MAGI2: variants seen among roughly 807,000 people sequenced by gnomAD.
MAGI2 encodes the protein membrane associated guanylate kinase, WW and PDZ domain containing 2.
A neutral mutation model predicts 133.3 loss-of-function variants in MAGI2; 35 were observed. The observed-to-expected ratio is 0.26, with a 90% CI of 0.20 to 0.35. The LOEUF is 0.35. Ranked by LOEUF, MAGI2 falls within the 10% of genes least tolerant of loss-of-function variation. The pLI, the probability that MAGI2 is intolerant of heterozygous loss-of-function variation, is 1.00. For synonymous variants in MAGI2, 729 were observed against 710.6 expected (o/e 1.03, Z -0.41); for missense variants, 1,636 against 1,863.4 (o/e 0.88, Z 2.25).
chr7:78,540,597 C>T (rs894872089), intron 3 of MAGI2, among the ~76,000 whole-genome samples: 3 of 152,134 alleles, frequency 2.0e-5, no homozygotes, highest in Non-Finnish European at 4.4e-5. Flanking sequence ...TTGCCACCCC[C>T]ACCAGATTCT....
chr7:78,423,389 T>C (rs950430980), intron 6 of MAGI2, among the ~76,000 whole-genome samples: 3 of 152,226 alleles, frequency 2.0e-5, no homozygotes, highest in African/African-American at 7.2e-5. Flanking sequence ...TTAAACCTCT[T>C]TCTTTTGTAA....
chr7:78,240,141 GC>G (rs1258642772), intron 10 of MAGI2, among the ~76,000 whole-genome samples: 1 of 152,110 alleles, frequency 6.6e-6, no homozygotes, highest in Non-Finnish European at 1.5e-5. Flanking sequence ...TCAGCCTCCT[GC>G]CCCCTGATAG....
intron 1 of MAGI2, among the ~76,000 whole-genome samples, chr7:79,281,553 C>G (rs1398346362): frequency 1.3e-5 from 2 of 151,592 alleles, no homozygotes; most frequent in East Asian, 3.9e-4. Flanking sequence ...AAAGAGAGGG[C>G]AAAAGTCTGC....
chr7:78,882,743 T>A (rs1381340475), intron 2 of MAGI2, among the ~76,000 whole-genome samples: 1 of 151,972 alleles, frequency 6.6e-6, no homozygotes, highest in Non-Finnish European at 1.5e-5. Context: ...ATAAACAGAA[T>A]TAAAAACAAC....
At chr7:78,316,618 T>C (rs1352770388) in intron 9 of MAGI2, among the ~76,000 whole-genome samples, 9 of 152,236 alleles carry the variant, frequency 5.9e-5, no homozygotes, top group Non-Finnish European at 1.3e-4. Context: ...TCTTTCCTTT[T>C]GTTTCAGTAG....
chr7:78,153,896 G>A (rs922841152), intron 16 of MAGI2, among the ~76,000 whole-genome samples: 3 of 152,216 alleles, frequency 2.0e-5, no homozygotes, highest in African/African-American at 7.2e-5. Context: ...GGACAAGCTG[G>A]AGTGAGCCTT....
chr7:78,635,394 G>C (rs1809519068), intron 2 of MAGI2, among the ~76,000 whole-genome samples: 1 of 152,190 alleles, frequency 6.6e-6, no homozygotes. Flanking sequence ...TTCTTCAAAA[G>C]AGTCACCAGC....
chr7:78,787,306 T>C (rs1426527946), intron 2 of MAGI2, among the ~76,000 whole-genome samples: 1 of 152,042 alleles, frequency 6.6e-6, no homozygotes, highest in Admixed American at 6.6e-5. Context: ...GGGGAGAAGG[T>C]AGGACTGTGG....
intron 18 of MAGI2, among the ~76,000 whole-genome samples, chr7:78,132,479 C>T (rs1383613099): frequency 6.6e-6 from 1 of 152,208 alleles, no homozygotes; most frequent in Non-Finnish European, 1.5e-5. Flanking sequence ...GCCCCAGCCA[C>T]CCTCACTGGC....
intron 1 of MAGI2, among the ~76,000 whole-genome samples, chr7:79,126,384 G>C (rs1398207427): frequency 6.6e-6 from 1 of 152,214 alleles, no homozygotes; most frequent in African/African-American, 2.4e-5. Flanking sequence ...ATATAAGATA[G>C]TTGGGGTAAT....
At chr7:78,248,827 A>G (rs929424823) in intron 10 of MAGI2, among the ~76,000 whole-genome samples, 1 of 152,240 alleles carries the variant, frequency 6.6e-6, no homozygotes, top group Admixed American at 6.5e-5. Flanking sequence ...TTTTTTGGAT[A>G]TGCCTCAAAA....
At position 79,226,489 on chromosome 7, in the gene MAGI2, G is replaced by T. The variant is rs1352717484; in HGVS notation, c.302-219283C>A. ...ACCCATAACAAATAGCATAAAAACT[G>T]GCTTCTAACATGAAAATATCTAATA... On this transcript the variant is annotated intron_variant, in intron 1 of 21. Coordinates refer to ENST00000354212, the MANE Select transcript of MAGI2 (RefSeq NM_012301.4). Among the ~76,000 whole-genome samples, 3 of 151,970 alleles carry T rather than the reference G, an allele frequency of 2.0e-5. No individual in the cohort carries two copies. In the South Asian group the frequency reaches 6.2e-4, roughly 32 times the overall value.
At chr7:78,605,741 A>G (rs917049244) in intron 3 of MAGI2, among the ~76,000 whole-genome samples, 3 of 152,202 alleles carry the variant, frequency 2.0e-5, no homozygotes, top group Admixed American at 2.0e-4. Context: ...GTAAACAAAT[A>G]TAATATTTTA....
chr7:79,363,527 T>A (rs575765268), intron 1 of MAGI2, among the ~76,000 whole-genome samples: 2 of 150,966 alleles, frequency 1.3e-5, no homozygotes, highest in East Asian at 3.9e-4. Flanking sequence ...TCAAAATTAA[T>A]AAAGTGGGAC....
At chr7:78,241,207 T>C (rs1201149986) in intron 10 of MAGI2, among the ~76,000 whole-genome samples, 3 of 152,104 alleles carry the variant, frequency 2.0e-5, no homozygotes, top group African/African-American at 7.2e-5. Context: ...CAAAGTCTTT[T>C]TTTAAAAGAT....
intron 1 of MAGI2, among the ~76,000 whole-genome samples, chr7:79,367,455 G>A (rs1842773878): frequency 6.6e-6 from 1 of 152,146 alleles, no homozygotes; most frequent in Non-Finnish European, 1.5e-5. Flanking sequence ...CAATGCAGCA[G>A]AGAGTTAAAG....
rs565688590 is a variant in MAGI2 at position 78,436,751 on chromosome 7, A to C, written c.1045+53010T>G. ...TGCAACACCTCTGTGTGAGCCTAAG[A>C]CATTCCCCTGATACATCACAACTCA... On this transcript the variant is annotated intron_variant, in intron 6 of 21. Coordinates refer to ENST00000354212, the MANE Select transcript of MAGI2 (RefSeq NM_012301.4). 2.5e-4 allele frequency among the ~76,000 whole-genome samples: 38 copies of C among 152,224 alleles called. 1 individual carries two copies. Among genetic ancestry groups the C allele is most frequent in the South Asian group, 8.3e-4 (4 of 4,810 alleles).
chr7:79,306,188 C>T (rs1486428847), intron 1 of MAGI2, among the ~76,000 whole-genome samples: 2 of 142,978 alleles, frequency 1.4e-5, no homozygotes, highest in Non-Finnish European at 3.0e-5. Flanking sequence ...TATATATACA[C>T]ATATATATAT....
chr7:78,175,883 G>A (rs867067238), intron 14 of MAGI2, among the ~76,000 whole-genome samples: 1 of 152,114 alleles, frequency 6.6e-6, no homozygotes, highest in Non-Finnish European at 1.5e-5. Flanking sequence ...AAACAAAATC[G>A]GCAGACACAT....
Sources: allele counts gnomAD v4.1 joint callset (sites outside exome capture counted in the v4.1 genomes callset), GRCh38; gene constraint gnomAD v4.1.1; transcripts MANE v1.5; gene names NCBI Gene and HGNC (gene_info 2026-07-23, HGNC 2026-07-21).